Variants in EIF4H observed in about 807,000 individuals in gnomAD.
EIF4H encodes the protein eukaryotic translation initiation factor 4H, also known as Williams-Beuren syndrome chromosome region 1.
Under a neutral mutation model 30.6 loss-of-function variants are expected in EIF4H, and 8 were observed. The ratio of observed to expected loss-of-function variants is 0.26; its 90% CI spans 0.15 to 0.47. The LOEUF is 0.47. Ranked by LOEUF, EIF4H falls within the 20% of genes least tolerant of loss-of-function variation. The pLI is 0.99. For synonymous variants in EIF4H, 106 were observed against 122.7 expected (o/e 0.86, Z 0.90); for missense variants, 188 against 339.5 (o/e 0.55, Z 3.51).
In EIF4H at chr7:74,190,228, CTT is replaced by C. The variant is rs781997743; in HGVS notation, c.410-14_410-13del. ...GGTAATGACACGACCTCAACTTTAT[CTT>C]TTTTGTGTATCCTCAGGAATGGGTA... On this transcript the variant is annotated splice_polypyrimidine_tract_variant and intron_variant, in intron 4 of 6. Coordinates refer to ENST00000265753, the MANE Select transcript of EIF4H (RefSeq NM_022170.2). 2 of 1,612,682 alleles carry C rather than the reference CTT, an allele frequency of 1.2e-6. No individual in the cohort carries two copies. The highest frequency in any genetic ancestry group is 2.7e-5 in the African/African-American group (2 of 74,882).
intron 2 of EIF4H, among the ~76,000 whole-genome samples, chr7:74,188,514 G>A (rs1285546115): frequency 3.3e-5 from 5 of 152,196 alleles, no homozygotes; most frequent in African/African-American, 9.7e-5. Flanking sequence ...GCCAGCAGTC[G>A]AGAAGGCCTT....
chr7:74,182,154 G>C (rs188014088), intron 1 of EIF4H, among the ~76,000 whole-genome samples: 1 of 152,196 alleles, frequency 6.6e-6, no homozygotes, highest in East Asian at 1.9e-4. Flanking sequence ...TGGATTGTTT[G>C]AATATGCAAA....
chr7:74,193,304 T>G (rs150417604), intron 5 of EIF4H, among the ~76,000 whole-genome samples: 13 of 152,352 alleles, frequency 8.5e-5, no homozygotes, highest in Non-Finnish European at 1.8e-4. Flanking sequence ...ATTATCGTTT[T>G]CTGCCTCAGC....
At chr7:74,188,622 A>G (rs1262775025) in intron 2 of EIF4H, among the ~76,000 whole-genome samples, 3 of 152,162 alleles carry the variant, frequency 2.0e-5, no homozygotes, top group Admixed American at 6.5e-5. Flanking sequence ...GTGAAAACAA[A>G]TATATCAGTT....
At chr7:74,185,167 A>G (rs1252382912) in intron 1 of EIF4H, among the ~76,000 whole-genome samples, 6 of 151,062 alleles carry the variant, frequency 4.0e-5, no homozygotes, top group African/African-American at 1.5e-4. Context: ...AATTTTTTGT[A>G]TTTTTTATAG....
At chr7:74,182,214 T>C (rs1298616012) in intron 1 of EIF4H, among the ~76,000 whole-genome samples, 1 of 152,200 alleles carries the variant, frequency 6.6e-6, no homozygotes, top group Non-Finnish European at 1.5e-5. Flanking sequence ...AAGCATAATA[T>C]AGTGACCTGT....
rs180866286 is a variant in EIF4H, at chr7:74,183,612, A to G, written c.60-3999A>G. ...GTAGGAATGTACTGAATTTCACGAA[A>G]CACAGCTTATTTATTTAGGTAGTAG... On this transcript the variant is annotated intron_variant, in intron 1 of 6. Transcript: ENST00000265753. Among the ~76,000 whole-genome samples the G allele has an allele frequency of 5.9e-5, 9 of 152,304 alleles. 1 individual carries two copies. The highest frequency in any genetic ancestry group is 1.9e-4 in the African/African-American group (8 of 41,566).
intron 5 of EIF4H, chr7:74,191,378 C>A (rs111325255): frequency 2.1e-6 from 1 of 475,904 alleles, no homozygotes; most frequent in East Asian, 5.8e-5. Flanking sequence ...TAGAAGTTGC[C>A]CACATACTAA....
chr7:74,189,535 T>C (rs1323638265), intron 2 of EIF4H, 138 bp from the exon 3 acceptor site: 3 of 893,512 alleles, frequency 3.4e-6, no homozygotes, highest in Admixed American at 2.9e-5. Flanking sequence ...GTTCTATCTA[T>C]TGAAAGGCTC....
chr7:74,179,671 C>T (rs116746834), intron 1 of EIF4H, among the ~76,000 whole-genome samples: 2,605 of 151,474 alleles, frequency 0.017, 97 homozygotes, highest in African/African-American at 0.06. Flanking sequence ...TGTACTCCGA[C>T]TGGATCCTTT....
chr7:74,181,664 G>C (rs1310047348), intron 1 of EIF4H, among the ~76,000 whole-genome samples: 3 of 151,920 alleles, frequency 2.0e-5, no homozygotes. Flanking sequence ...GGCTGGTCTC[G>C]AACTCCCGAC....
intron 1 of EIF4H, chr7:74,183,893 C>G (rs1302478497): frequency 6.6e-6 from 1 of 152,324 alleles, no homozygotes; most frequent in African/African-American, 2.4e-5. Flanking sequence ...CTGCTGCCCC[C>G]TAGTGATTTC....
intron 5 of EIF4H, among the ~76,000 whole-genome samples, chr7:74,192,692 T>G (rs1335604888): frequency 6.8e-6 from 1 of 146,792 alleles, no homozygotes; most frequent in African/African-American, 2.6e-5. Context: ...TTTTTTTTTT[T>G]TTTGAGACAG....
chr7:74,182,723 T>C (rs1554708588), intron 1 of EIF4H, among the ~76,000 whole-genome samples: 2 of 152,210 alleles, frequency 1.3e-5, no homozygotes, highest in African/African-American at 4.8e-5. Context: ...CAACTTTCTG[T>C]TGCATCTACT....
In EIF4H at chr7:74,190,318, T is replaced by TA. The variant is rs782757051; in HGVS notation, c.469+15dup. On this transcript the variant is annotated intron_variant, in intron 5 of 6. Transcript: ENST00000265753. The stretch of plus-strand genomic sequence containing the variant: ...TGACTTCAATTCTGGTATCAGTATT[T>TA]AAAGTATCACCACTTAATTTTTCCT... The TA allele has an allele frequency of 6.8e-6, 11 of 1,613,436 alleles. No homozygotes were observed. The highest frequency in any genetic ancestry group is 8.5e-6 in the Non-Finnish European group (10 of 1,179,330).
chr7:74,188,442 C>G (rs1354678736), intron 2 of EIF4H, among the ~76,000 whole-genome samples: 1 of 152,096 alleles, frequency 6.6e-6, no homozygotes, highest in South Asian at 2.1e-4. Context: ...ATGTTTGGCC[C>G]GCATAATCCA....
intron 2 of EIF4H, among the ~76,000 whole-genome samples, chr7:74,189,123 A>G (rs550808715): frequency 2.3e-4 from 35 of 152,316 alleles, no homozygotes; most frequent in African/African-American, 7.0e-4. Flanking sequence ...CCCTGGCATC[A>G]GGGACACAGG....
intron 1 of EIF4H, among the ~76,000 whole-genome samples, chr7:74,176,473 G>A (rs1359653996): frequency 6.6e-6 from 1 of 152,144 alleles, no homozygotes; most frequent in Non-Finnish European, 1.5e-5. Context: ...ATAGAAGATT[G>A]CCACCTATGG....
At chr7:74,184,305 C>T (rs1801034175) in intron 1 of EIF4H, among the ~76,000 whole-genome samples, 1 of 152,190 alleles carries the variant, frequency 6.6e-6, no homozygotes, top group Admixed American at 6.6e-5. Context: ...CTCAGTTCCA[C>T]AGTTCCTCTA....
Sources: gnomAD v4.1 joint callset for allele counts (sites outside exome capture counted in the v4.1 genomes callset) on GRCh38, gnomAD v4.1.1 for gene constraint, MANE v1.5 for transcripts, NCBI Gene and HGNC (gene_info 2026-07-23, HGNC 2026-07-21) for gene names.